The following KMT2D variants were observed in gnomAD, a reference collection of about 807,000 sequenced individuals.
KMT2D encodes lysine methyltransferase 2D, also known as histone-lysine N-methyltransferase 2D.
Under a neutral mutation model 512.7 loss-of-function variants are expected in KMT2D, and 55 were observed. The observed-to-expected ratio is 0.11, with a 90% CI of 0.09 to 0.13. The LOEUF is 0.13. Ranked by LOEUF, KMT2D falls within the 10% of genes least tolerant of loss-of-function variation. The pLI is 1.00. For missense variants in KMT2D, 6,061 were observed against 7,127.9 expected (o/e 0.85, Z 5.39); for synonymous variants, 2,995 against 2,904.0 (o/e 1.03, Z -1.01).
At chr12:49,034,004 T>A in intron 39 of KMT2D, 40 bp from the exon 40 acceptor site, 1 of 1,561,006 alleles carries the variant, frequency 6.4e-7, no homozygotes. Context: ...TGGGGCATGC[T>A]CCCCCCATGC....
At position 49,044,177 on chromosome 12, in the gene KMT2D, A is replaced by T. The variant is rs1381181615; in HGVS notation, c.5188+23T>A. On this transcript the variant is annotated intron_variant, in intron 22 of 54. Coordinates refer to ENST00000301067, the MANE Select transcript of KMT2D (RefSeq NM_003482.4). This position sits in a 1 kb window ranked among gnomAD's most constrained non-coding sequence, Gnocchi z 6.4. ...ATTGCCCCACCTTCTCCCAGGCCCCACTGGTGCCCTCACCCGTCTCACCCT... is the reference window on the plus strand; with the variant it reads ...ATTGCCCCACCTTCTCCCAGGCCCCTCTGGTGCCCTCACCCGTCTCACCCT... 6.2e-7 allele frequency: 1 copy of T among 1,607,658 alleles called. No individual in the cohort carries two copies.
chr12:49,041,053 G>A lies in KMT2D; in HGVS notation c.6717C>T (p.Ser2239=), dbSNP rs1041091169. The A allele has an allele frequency of 6.5e-7, 1 of 1,549,744 alleles. No individual in the cohort carries two copies. Among genetic ancestry groups the A allele is most frequent in the African/African-American group, 1.4e-5 (1 of 72,954 alleles). The stretch of plus-strand genomic sequence containing the variant: ...GGGGTTTGAGGAATGGGTCAGGTGT[G>A]GAGGGCTGGTGTCTGGGGGTGCCAG... The part of the protein sequence containing the change: ...TPPGTPRHQP[S]TPDPFLKPRC... The change falls in exon 32 of 55, where the codon TCC becomes TCT. Residue 2239 remains serine, a synonymous_variant. Coordinates refer to ENST00000301067, the MANE Select transcript of KMT2D (RefSeq NM_003482.4). The surrounding 1 kb of genome is among the most constrained non-coding windows in gnomAD (Gnocchi z 5.4).
Position 49,041,468 on chromosome 12 carries a change from G to C in KMT2D, c.6302C>G (p.Ala2101Gly), listed in dbSNP as rs1943527215. 6.2e-7 allele frequency: 1 copy of C among 1,613,414 alleles called. No homozygotes were observed. The highest frequency in any genetic ancestry group is 1.1e-5 in the South Asian group (1 of 91,088). The change falls in exon 32 of 55, where the codon GCC becomes GGC. Residue 2101 changes from alanine to glycine, a missense_variant. This residue lies in a region of KMT2D where 710 missense variants were observed against 647.3 expected (regional missense o/e 1.10). Coordinates refer to ENST00000301067, the MANE Select transcript of KMT2D (RefSeq NM_003482.4). This position sits in a 1 kb window ranked among gnomAD's most constrained non-coding sequence, Gnocchi z 5.4. ...GDIARKTDRP[A>G]LHLRIPPQPG... Reference sequence around the variant, plus strand: ...CTGCGGGGGAATGCGGAGATGTAGGGCCGGTCGGTCAGTCTTACGGGCTAT... The same window carrying C: ...CTGCGGGGGAATGCGGAGATGTAGGCCCGGTCGGTCAGTCTTACGGGCTAT...
rs1470829934 is a variant in KMT2D at position 49,039,288 on chromosome 12, G to A, written c.8300C>T (p.Pro2767Leu). 1 of 1,613,760 alleles carries A rather than the reference G, an allele frequency of 6.2e-7. No individual in the cohort carries two copies. Among genetic ancestry groups the A allele is most frequent in the South Asian group, 1.1e-5 (1 of 91,090 alleles). ...TGGCCGGGAGAGTCGGTCATCGCTA[G>A]GGAAGGACCCTGGCCCCAGGATGGG... is the stretch of plus-strand genomic sequence containing the variant. ...SGPILGPGSF[P>L]SDDRLSRPPP... is the part of the protein sequence containing the mutation. Residue 2767 changes from proline (P) to leucine (L), a missense_variant, in exon 34 of 55, where the codon CCT becomes CTT. Pro to Leu is a moderately conservative substitution (Grantham distance 98). Coordinates refer to ENST00000301067, the MANE Select transcript of KMT2D (RefSeq NM_003482.4). The surrounding 1 kb of genome is among the most constrained non-coding windows in gnomAD (Gnocchi z 5.0).
Position 49,033,424 on chromosome 12 carries a change from G to C in KMT2D, c.11281C>G (p.Pro3761Ala). ...VAIQQQQQQG[P>A]GVQTNQALGP... Reference sequence around the variant, plus strand: ...AGAGCTTGGTTTGTCTGTACTCCAGGACCCTGCTGCTGTTGCTGCTGGATT... The same window carrying C: ...AGAGCTTGGTTTGTCTGTACTCCAGCACCCTGCTGCTGTTGCTGCTGGATT... The change falls in exon 40 of 55, where the codon CCT becomes GCT. Residue 3761 changes from proline to alanine, a missense_variant. By Grantham distance (27) the Pro-to-Ala change is conservative (BLOSUM62 -1). This residue lies in a region of KMT2D where 1,600 missense variants were observed against 1,754.9 expected (regional missense o/e 0.91). Transcript: ENST00000301067. 4 of 1,581,632 alleles carry C rather than the reference G, an allele frequency of 2.5e-6. No individual in the cohort carries two copies. The highest frequency in any genetic ancestry group is 2.6e-6 in the Non-Finnish European group (3 of 1,163,764).
rs2120548140 is a variant in KMT2D, at chr12:49,041,516, T to C, written c.6254A>G (p.Asn2085Ser). The C allele has an allele frequency of 6.2e-7, 1 of 1,613,530 alleles. No individual in the cohort carries two copies. The highest frequency in any genetic ancestry group is 1.3e-5 in the African/African-American group (1 of 74,976). Residue 2085 changes from asparagine (N) to serine (S), a missense_variant, in exon 32 of 55, where the codon AAC becomes AGC. Physicochemically the swap from Asn to Ser is conservative, Grantham distance 46. Around this residue, in one of 16 missense-constraint regions of KMT2D, gnomAD observed 640 missense variants for 814.3 expected, o/e 0.79. Transcript: ENST00000301067. The surrounding 1 kb of genome is among the most constrained non-coding windows in gnomAD (Gnocchi z 5.4). ...TATGTCGCCCACCTTGGTCTGCTTG[T>C]TGATCTGGCTCTCAGCCTGCTACAG... ...KVQKQAESQI[N>S]KQTKVGDIAR...
At chr12:49,055,191 A>G in intron 2 of KMT2D, 85 bp downstream of exon 2, 1 of 1,552,118 alleles carries the variant, frequency 6.4e-7, no homozygotes, top group Non-Finnish European at 8.9e-7. Context: ...TGCTACATAG[A>G]CTTAGCTCAT....
chr12:49,044,467 A>G lies in KMT2D; in HGVS notation c.5019T>C (p.Asp1673=), dbSNP rs1443538402. The G allele has an allele frequency of 6.2e-7, 1 of 1,613,754 alleles. No homozygotes were observed. Among genetic ancestry groups the G allele is most frequent in the East Asian group, 2.2e-5 (1 of 44,888 alleles). ...EIKLEGPVSP[D]VEPGKEETEE... ...CGGTCTCCTCTTTGCCAGGCTCCAC[A>G]TCAGGGCTGACGGGGCCCTCCAGTT... is the stretch of plus-strand genomic sequence containing the variant. Residue 1673 remains aspartate (D), a synonymous_variant, in exon 21 of 55, where the codon GAT becomes GAC. Transcript: ENST00000301067. The surrounding 1 kb of genome is among the most constrained non-coding windows in gnomAD (Gnocchi z 6.4).
chr12:49,021,737 T>C lies in KMT2D; in HGVS notation c.*43A>G, dbSNP rs1309079570. 2.0e-6 allele frequency: 3 copies of C among 1,465,570 alleles called. No individual in the cohort carries two copies. In the South Asian group the frequency reaches 3.4e-5, roughly 17 times the overall value. 90.8% of individuals were successfully genotyped at this position (1,465,570 alleles called of 1,614,324 possible). ...CCCCTCATCCCTTTCAGGGAAGAGG[T>C]TGTGGGTAGGGGGACTCCCCTGCCT... On this transcript the variant is annotated 3_prime_UTR_variant, in exon 55 of 55. Transcript: ENST00000301067.
In KMT2D at chr12:49,030,398, G is replaced by A. The variant is rs757351847; in HGVS notation, c.13881C>T (p.Pro4627=). 5.8e-6 allele frequency: 9 copies of A among 1,556,894 alleles called. No homozygotes were observed. Among genetic ancestry groups the A allele is most frequent in the South Asian group, 2.3e-5 (2 of 88,752 alleles). ...GCTGCACCGATGGGGGTGGGGTGGG[G>A]GGCAGCGACGAGGGTGGTGTCGGCG... ...SNPPTPPSSL[P]PTPPPSVQQK... is the part of the protein sequence containing the mutation. The change falls in exon 43 of 55, where the codon CCC becomes CCT. Residue 4627 remains proline (P), a synonymous_variant. Coordinates refer to ENST00000301067, the MANE Select transcript of KMT2D (RefSeq NM_003482.4).
chr12:49,037,365 G>A lies in KMT2D; in HGVS notation c.9991C>T (p.Pro3331Ser), dbSNP rs2120477819. The A allele has an allele frequency of 6.2e-7, 1 of 1,610,620 alleles. No homozygotes were observed. The highest frequency in any genetic ancestry group is 2.2e-5 in the East Asian group (1 of 44,796). ...RQPGLPQPLM[P>S]TQPPAHALQQ... The stretch of plus-strand genomic sequence containing the variant: ...AGGGCATGAGCTGGTGGCTGGGTGG[G>A]CATCAGTGGCTGGGGCAAACCTGGC... The change falls in exon 35 of 55, where the codon CCC becomes TCC. Residue 3331 changes from proline to serine, a missense_variant. This residue lies in a region of KMT2D where 533 missense variants were observed against 539.6 expected (regional missense o/e 0.99). Transcript: ENST00000301067.
rs778241563 is a variant in KMT2D, at chr12:49,050,866, G to A, written c.2797+20C>T. 1 of 1,547,564 alleles carries A rather than the reference G, an allele frequency of 6.5e-7. No homozygotes were observed. The highest frequency in any genetic ancestry group is 8.7e-7 in the Non-Finnish European group (1 of 1,143,658). On this transcript the variant is annotated intron_variant, in intron 11 of 54. Coordinates refer to ENST00000301067, the MANE Select transcript of KMT2D (RefSeq NM_003482.4). ...GAGTTACAGCTGTTCCAGAATAACA[G>A]AGTACTAACATCCCCTTACCTGGTG...
rs555716636 is a variant in KMT2D, at chr12:49,039,232, C to T, written c.8356G>A (p.Val2786Met). 1.2e-6 allele frequency: 2 copies of T among 1,613,804 alleles called. No individual in the cohort carries two copies. Among genetic ancestry groups the T allele is most frequent in the African/African-American group, 1.3e-5 (1 of 75,068 alleles). ...PPPATPSSMD[V>M]NSRQLVGGSQ... ...CTCCTGGAGCCTCACCGGCTGTTCACATCCATAGAGGAAGGCGTGGCTGGT... is the reference window on the plus strand; with the variant it reads ...CTCCTGGAGCCTCACCGGCTGTTCATATCCATAGAGGAAGGCGTGGCTGGT... Residue 2786 changes from valine (V) to methionine (M), a missense_variant, in exon 34 of 55, where the codon GTG (valine) becomes ATG (methionine). Coordinates refer to ENST00000301067, the MANE Select transcript of KMT2D (RefSeq NM_003482.4). The surrounding 1 kb of genome is among the most constrained non-coding windows in gnomAD (Gnocchi z 5.0).
chr12:49,058,343 C>T (rs1938535873), intron 1 of KMT2D, among the ~76,000 whole-genome samples: 1 of 152,228 alleles, frequency 6.6e-6, no homozygotes, highest in African/African-American at 2.4e-5. Flanking sequence ...CACTCCACTA[C>T]CCCTGTGCCA....
Position 49,046,583 on chromosome 12 carries a change from T to G in KMT2D, c.4418+26A>C. On this transcript the variant is annotated intron_variant, in intron 16 of 54. Transcript: ENST00000301067. The surrounding 1 kb of genome is among the most constrained non-coding windows in gnomAD (Gnocchi z 4.2). ...CTTTAACATCTCAAGGCCCCAGGGC[T>G]CCACTGAAGATCCCAGTCTCCTTAC... The G allele has an allele frequency of 6.3e-7, 1 of 1,599,686 alleles. No individual in the cohort carries two copies.
intron 35 of KMT2D, 23 bp from the exon 36 acceptor site, chr12:49,034,958 A>T (rs1431425965): frequency 1.2e-6 from 2 of 1,613,474 alleles, no homozygotes; most frequent in Non-Finnish European, 1.7e-6. Flanking sequence ...GAACCAAGTG[A>T]GCTGGGCTAT....
At chr12:49,058,022 A>T (rs1277592939) in intron 1 of KMT2D, among the ~76,000 whole-genome samples, 1 of 152,192 alleles carries the variant, frequency 6.6e-6, no homozygotes, top group Admixed American at 6.5e-5. Context: ...ACAAGGGGGA[A>T]ATGGACGCTT....
Position 49,038,307 on chromosome 12 carries a change from C to A in KMT2D, c.9049G>T (p.Asp3017Tyr), listed in dbSNP as rs766263928. 1 of 1,613,868 alleles carries A rather than the reference C, an allele frequency of 6.2e-7. No individual in the cohort carries two copies. The highest frequency in any genetic ancestry group is 8.5e-7 in the Non-Finnish European group (1 of 1,179,890). Residue 3017 changes from aspartate to tyrosine, a missense_variant, in exon 35 of 55, where the codon GAT becomes TAT. Around this residue, in one of 16 missense-constraint regions of KMT2D, gnomAD observed 527 missense variants for 578.9 expected, o/e 0.91. Coordinates refer to ENST00000301067, the MANE Select transcript of KMT2D (RefSeq NM_003482.4). This position sits in a 1 kb window ranked among gnomAD's most constrained non-coding sequence, Gnocchi z 5.7. ...AGTTCATCATCACCCTTGGCCACAT[C>A]CACACCCAGACCCAGGTGAGCAAGC... ...EELAHLGLGVDVAKGDDELGT... is the reference protein window; with the variant it reads ...EELAHLGLGVYVAKGDDELGT...
intron 1 of KMT2D, among the ~76,000 whole-genome samples, chr12:49,057,372 G>A (rs1216569993): frequency 2.6e-5 from 4 of 152,214 alleles, no homozygotes; most frequent in Non-Finnish European, 4.4e-5. Flanking sequence ...CAGTGGGTAG[G>A]AGGAGGGCTG....
Sources: allele counts gnomAD v4.1 joint callset (sites outside exome capture counted in the v4.1 genomes callset), GRCh38; gene constraint gnomAD v4.1.1; regional missense constraint gnomAD v4.1.1; non-coding constraint Gnocchi (gnomAD v3.1); transcripts MANE v1.5; gene names NCBI Gene and HGNC (gene_info 2026-07-23, HGNC 2026-07-21).